MSL1: variants seen among roughly 807,000 people sequenced by gnomAD.
The protein encoded by MSL1 is MSL complex subunit 1, also known as male-specific lethal 1 homolog.
Under a neutral mutation model 64.6 loss-of-function variants are expected in MSL1, and 21 were observed. The observed-to-expected ratio is 0.33, with a 90% CI of 0.23 to 0.47. The LOEUF (loss-of-function observed/expected upper bound fraction) is 0.47. MSL1 is among the 20% of genes least tolerant of loss of function. The pLI is 1.00. For missense variants in MSL1, 664 were observed against 793.2 expected, an observed-to-expected ratio of 0.84 and a Z score of 1.96; for synonymous variants, 339 against 329.6, an observed-to-expected ratio of 1.03 and a Z score of -0.31.
At position 40,123,047 on chromosome 17, in the gene MSL1, G is replaced by T; in HGVS notation, c.435G>T (p.Ala145=). ...LPIQTGSLVA[A]AKEPTPWAGD... ...TTCAGACGGGCTCTCTCGTGGCGGC[G>T]GCCAAAGAGCCTACGCCCTGGGCTG... Residue 145 remains alanine, a synonymous_variant, in exon 1 of 9, where the codon GCG becomes GCT. Coordinates refer to ENST00000398532, the MANE Select transcript of MSL1 (RefSeq NM_001365919.1). The T allele has an allele frequency of 6.5e-7, 1 of 1,531,844 alleles. No individual in the cohort carries two copies. The highest frequency in any genetic ancestry group is 8.7e-7 in the Non-Finnish European group (1 of 1,145,384). 94.9% of individuals were successfully genotyped at this position (1,531,844 alleles called of 1,614,324 possible). A position where few individuals can be genotyped will look rare whatever the true frequency, so the allele number is the denominator to read the frequency against.
chr17:40,126,127 T>C, intron 1 of MSL1, 56 bp from the exon 2 acceptor site: 12 of 1,500,674 alleles, frequency 8.0e-6, no homozygotes, highest in Non-Finnish European at 1.1e-5. Context: ...GGGCTAAGTA[T>C]CTGTGTGTTT....
rs1194359969 is a variant in MSL1 at position 40,122,611 on chromosome 17, C to T, written c.-2C>T. On this transcript the variant is annotated 5_prime_UTR_variant, in exon 1 of 9. Transcript: ENST00000398532. The surrounding 1 kb of genome is among the most constrained non-coding windows in gnomAD (Gnocchi z 4.2). ...CGGTGCCCGGCGCTGCTCCGGACCA[C>T]TATGACCATGAGATCCGCGGTGTTC... The T allele has an allele frequency of 1.6e-5, 23 of 1,477,840 alleles. No homozygotes were observed. The highest frequency in any genetic ancestry group is 2.0e-5 in the Non-Finnish European group (22 of 1,121,918). 91.5% of individuals were successfully genotyped at this position (1,477,840 alleles called of 1,614,324 possible).
chr17:40,123,518 G>C (rs1382577041), intron 1 of MSL1, 138 bp downstream of exon 1: 2 of 772,464 alleles, frequency 2.6e-6, no homozygotes, highest in Admixed American at 5.8e-5. Flanking sequence ...TATCTTAGGC[G>C]CTGGGTCTCT....
Position 40,134,540 on chromosome 17 carries a change from A to C in MSL1, c.*171A>C, listed in dbSNP as rs1427609940. 2 of 607,526 alleles carry C rather than the reference A, an allele frequency of 3.3e-6. No individual in the cohort carries two copies. The highest frequency in any genetic ancestry group is 2.8e-5 in the East Asian group (1 of 35,404). 37.6% of individuals were successfully genotyped at this position (607,526 alleles called of 1,614,324 possible). A position where few individuals can be genotyped will look rare whatever the true frequency, so the allele number is the denominator to read the frequency against. ...ACTCTGATTTCACAAAAACTCTTTC[A>C]TTCGGCTAATTGTGAGTTATGGAGG... is the stretch of plus-strand genomic sequence containing the variant. On this transcript the variant is annotated 3_prime_UTR_variant, in exon 9 of 9. Coordinates refer to ENST00000398532, the MANE Select transcript of MSL1 (RefSeq NM_001365919.1).
intron 1 of MSL1, chr17:40,124,661 A>G (rs1272052562): frequency 6.6e-6 from 1 of 152,150 alleles, no homozygotes; most frequent in East Asian, 1.9e-4. Flanking sequence ...GTGTGATGGT[A>G]CCGTAATTAC....
rs1323731709 is a variant in MSL1, at chr17:40,122,024, T to C, written c.-589T>C. Among the ~76,000 whole-genome samples, 8 of 150,506 alleles carry C rather than the reference T, an allele frequency of 5.3e-5. No homozygotes were observed. The highest frequency in any genetic ancestry group is 1.2e-4 in the Non-Finnish European group (8 of 67,482). On this transcript the variant is annotated 5_prime_UTR_variant, in exon 1 of 9. Transcript: ENST00000398532. The surrounding 1 kb of genome is among the most constrained non-coding windows in gnomAD (Gnocchi z 4.2). ...GCGGTGGCGGCTACGAGCGGCTCCG[T>C]TTTTTTAAAGGGAAACGCTGAGGCG...
At chr17:40,130,429 T>G (rs1365851037) in intron 3 of MSL1, 1 of 152,050 alleles carries the variant, frequency 6.6e-6, no homozygotes, top group South Asian at 2.1e-4. Context: ...ATCTTCTACA[T>G]CAACCAGTAA....
chr17:40,124,396 C>T (rs1219465165), intron 1 of MSL1, among the ~76,000 whole-genome samples: 1 of 151,964 alleles, frequency 6.6e-6, no homozygotes, highest in Non-Finnish European at 1.5e-5. Context: ...CCTCCCTCCC[C>T]GCCGTCCTCA....
intron 1 of MSL1, among the ~76,000 whole-genome samples, chr17:40,125,137 C>A (rs1170853351): frequency 6.6e-6 from 1 of 152,162 alleles, no homozygotes; most frequent in African/African-American, 2.4e-5. Flanking sequence ...TAAACTAACA[C>A]AAAGTTTTCA....
Position 40,131,655 on chromosome 17 carries a change from T to C in MSL1, c.1423+71T>C. ...GGTGGGATGGTGGATGGTTGGGAGC[T>C]GCATTCCCCATCCACTGGATGTGGG... On this transcript the variant is annotated intron_variant, in intron 4 of 8. Transcript: ENST00000398532. The surrounding 1 kb of genome is among the most constrained non-coding windows in gnomAD (Gnocchi z 4.5). 3.8e-6 allele frequency: 5 copies of C among 1,329,376 alleles called. No individual in the cohort carries two copies. The South Asian group carries it at 4.7e-5, about 12-fold the overall frequency. 82.3% of individuals were successfully genotyped at this position (1,329,376 alleles called of 1,614,324 possible).
At position 40,121,981 on chromosome 17, in the gene MSL1, C is replaced by A. The variant is rs529279737; in HGVS notation, c.-632C>A. Among the ~76,000 whole-genome samples, 2 of 152,088 alleles carry A rather than the reference C, an allele frequency of 1.3e-5. No individual in the cohort carries two copies. Among genetic ancestry groups the A allele is most frequent in the African/African-American group, 2.4e-5 (1 of 41,426 alleles). The stretch of plus-strand genomic sequence containing the variant: ...CTCCCCTCCCCGCGCATGCGTCCTC[C>A]GGTTGGCGGCGGCTGCGGCGGTGGC... On this transcript the variant is annotated 5_prime_UTR_variant, in exon 1 of 9. Transcript: ENST00000398532.
intron 8 of MSL1, 31 bp downstream of exon 8, chr17:40,133,930 G>A (rs1230279288): frequency 6.3e-7 from 1 of 1,576,920 alleles, no homozygotes. Flanking sequence ...TCCCCTTCCA[G>A]GTAACCTGCA....
At chr17:40,127,311 G>A (rs1269029676) in intron 2 of MSL1, among the ~76,000 whole-genome samples, 1 of 150,812 alleles carries the variant, frequency 6.6e-6, no homozygotes, top group Non-Finnish European at 1.5e-5. Flanking sequence ...CTCCAGCCTG[G>A]GTGACGGAGT....
intron 1 of MSL1, 72 bp from the exon 2 acceptor site, chr17:40,126,111 T>G: frequency 1.5e-6 from 2 of 1,377,926 alleles, no homozygotes; most frequent in East Asian, 4.7e-5. Context: ...TACTGATTCC[T>G]AAATGGGGCT....
Position 40,122,945 on chromosome 17 carries a change from A to G in MSL1, c.333A>G (p.Gln111=). ...CCTGTCCGCCCCCGGCCACCAAGCA[A>G]GCCGGCATTGGGGGGGAGCCTGCCG... The part of the protein sequence containing the change: ...PLPCPPPATK[Q]AGIGGEPAAA... Residue 111 remains glutamine, a synonymous_variant, in exon 1 of 9, where the codon CAA becomes CAG. Transcript: ENST00000398532. This position sits in a 1 kb window ranked among gnomAD's most constrained non-coding sequence, Gnocchi z 4.2. 1.3e-6 allele frequency: 2 copies of G among 1,523,250 alleles called. No homozygotes were observed. Among genetic ancestry groups the G allele is most frequent in the African/African-American group, 2.8e-5 (2 of 70,730 alleles). 94.4% of individuals were successfully genotyped at this position (1,523,250 alleles called of 1,614,324 possible).
At chr17:40,132,362 G>T (rs1415298011) in intron 5 of MSL1, among the ~76,000 whole-genome samples, 1 of 152,194 alleles carries the variant, frequency 6.6e-6, no homozygotes, top group African/African-American at 2.4e-5. Context: ...TTAGGGCTGG[G>T]TGTGGTGGCT....
At chr17:40,127,555 C>T (rs535617495) in intron 2 of MSL1, among the ~76,000 whole-genome samples, 1 of 152,244 alleles carries the variant, frequency 6.6e-6, no homozygotes, top group South Asian at 2.1e-4. Flanking sequence ...CAACATGGCT[C>T]ACTTCATCTT....
In MSL1 at chr17:40,134,574, GA is replaced by G; in HGVS notation, c.*206del. On this transcript the variant is annotated 3_prime_UTR_variant, in exon 9 of 9. Transcript: ENST00000398532. Reference sequence around the variant, plus strand: ...ATTGTGAGTTATGGAGGGTGATTGGGATTTCTTTTCCCTTTTTTGGGAAATG... The same window carrying G: ...ATTGTGAGTTATGGAGGGTGATTGGGTTTCTTTTCCCTTTTTTGGGAAATG... 1 of 554,154 alleles carries G rather than the reference GA, an allele frequency of 1.8e-6. No homozygotes were observed. The highest frequency in any genetic ancestry group is 3.2e-6 in the Non-Finnish European group (1 of 311,840). The allele number at this position is 554,154 out of a possible 1,614,324, so 34.3% of individuals were successfully genotyped here.
Position 40,123,041 on chromosome 17 carries a change from G to A in MSL1, c.429G>A (p.Val143=). ...AVLPIQTGSL[V]AAAKEPTPWA... ...TGCCCATTCAGACGGGCTCTCTCGT[G>A]GCGGCGGCCAAAGAGCCTACGCCCT... The change falls in exon 1 of 9, where the codon GTG becomes GTA. Residue 143 remains valine, a synonymous_variant. Transcript: ENST00000398532. The A allele has an allele frequency of 3.3e-6, 5 of 1,532,182 alleles. No homozygotes were observed. Among genetic ancestry groups the A allele is most frequent in the Non-Finnish European group, 4.4e-6 (5 of 1,145,502 alleles). 94.9% of individuals were successfully genotyped at this position (1,532,182 alleles called of 1,614,324 possible). A position where few individuals can be genotyped will look rare whatever the true frequency, so the allele number is the denominator to read the frequency against.
Sources: allele counts gnomAD v4.1 joint callset (sites outside exome capture counted in the v4.1 genomes callset), GRCh38; gene constraint gnomAD v4.1.1; non-coding constraint Gnocchi (gnomAD v3.1); transcripts MANE v1.5; gene names NCBI Gene and HGNC (gene_info 2026-07-23, HGNC 2026-07-21).